DPYSL5: variants seen among roughly 807,000 people sequenced by gnomAD.
DPYSL5 encodes the protein dihydropyrimidinase-related protein 5.
A neutral mutation model predicts 58.4 loss-of-function variants in DPYSL5; 9 were observed. The ratio of observed to expected loss-of-function variants is 0.15; its 90% CI spans 0.09 to 0.27. DPYSL5 has a LOEUF of 0.27. Among genes scored for constraint, DPYSL5 ranks in the 10% least tolerant of loss-of-function variants. DPYSL5 has a pLI of 1.00. For synonymous variants in DPYSL5, 293 were observed against 301.9 expected, an observed-to-expected ratio of 0.97 and a Z score of 0.31; for missense variants, 499 against 770.6, an observed-to-expected ratio of 0.65 and a Z score of 4.17.
In DPYSL5 at chr2:26,912,714, A is replaced by G. The variant is rs180852669; in HGVS notation, c.262-12173A>G. The stretch of plus-strand genomic sequence containing the variant: ...GCTTTGTATTAAACACAATGAATTT[A>G]AATTGGATGCTCGGCAGTGAAGATA... On this transcript the variant is annotated intron_variant, in intron 2 of 12. Coordinates refer to ENST00000288699, the MANE Select transcript of DPYSL5 (RefSeq NM_020134.4). Among the ~76,000 whole-genome samples, 286 of 152,362 alleles carry G rather than the reference A, an allele frequency of 1.9e-3. 1 individual carries two copies. Among genetic ancestry groups the G allele is most frequent in the Middle Eastern group, 3.4e-3 (1 of 294 alleles).
chr2:26,916,456 A>G (rs1297658972), intron 2 of DPYSL5, among the ~76,000 whole-genome samples: 1 of 151,950 alleles, frequency 6.6e-6, no homozygotes, highest in African/African-American at 2.4e-5. Flanking sequence ...GTGCTCCTAA[A>G]CTTCACACTC....
chr2:26,946,516 G>A (rs1000543129), intron 12 of DPYSL5, among the ~76,000 whole-genome samples: 2 of 151,564 alleles, frequency 1.3e-5, no homozygotes, highest in African/African-American at 2.4e-5. Context: ...TTCATTTTCC[G>A]AAACAATGGC....
rs72851814 is a variant in DPYSL5 at position 26,887,055 on chromosome 2, C to T, written c.-4-11441C>T. Among the ~76,000 whole-genome samples the T allele has an allele frequency of 9.2e-3, 1,395 of 152,314 alleles. 30 individuals are homozygous for T. The highest frequency in any genetic ancestry group is 0.032 in the African/African-American group (1,314 of 41,572). On this transcript the variant is annotated intron_variant, in intron 1 of 12. Transcript: ENST00000288699. ...ACCTCACCTGCCCCTTGAGGTGCTACCCAGGTTGCCATTAGGCTTGGCTTA... is the reference window on the plus strand; with the variant it reads ...ACCTCACCTGCCCCTTGAGGTGCTATCCAGGTTGCCATTAGGCTTGGCTTA...
At position 26,859,689 on chromosome 2, in the gene DPYSL5, C is replaced by T. The variant is rs570525770; in HGVS notation, c.-5+11435C>T. On this transcript the variant is annotated intron_variant, in intron 1 of 12. Transcript: ENST00000288699. ...AGTGGCAGATAGCACCTGATGTTGG[C>T]CATTATGACAGAAATTAAATGGTCT... Among the ~76,000 whole-genome samples the T allele has an allele frequency of 6.6e-5, 10 of 152,086 alleles. No individual in the cohort carries two copies. The South Asian group carries it at 1.9e-3, about 28-fold the overall frequency.
At chr2:26,869,999 A>C (rs1419758816) in intron 1 of DPYSL5, among the ~76,000 whole-genome samples, 4 of 152,234 alleles carry the variant, frequency 2.6e-5, no homozygotes, top group African/African-American at 9.6e-5. Flanking sequence ...TGACAGAGCA[A>C]GACTTCGTCT....
In DPYSL5 at chr2:26,934,524, G is replaced by T; in HGVS notation, c.791-54G>T. 3 of 1,578,966 alleles carry T rather than the reference G, an allele frequency of 1.9e-6. No individual in the cohort carries two copies. Among genetic ancestry groups the T allele is most frequent in the Non-Finnish European group, 2.6e-6 (3 of 1,161,714 alleles). ...TGTAAAATGAGAGGCACACACCAGC[G>T]ATCGCTCAGGTTCGGTGGCTTCCTG... On this transcript the variant is annotated intron_variant, in intron 7 of 12. Coordinates refer to ENST00000288699, the MANE Select transcript of DPYSL5 (RefSeq NM_020134.4). This position sits in a 1 kb window ranked among gnomAD's most constrained non-coding sequence, Gnocchi z 4.3.
At chr2:26,932,199 GAA>G (rs763962759) in intron 6 of DPYSL5, among the ~76,000 whole-genome samples, 2 of 75,324 alleles carry the variant, frequency 2.7e-5, no homozygotes, top group Non-Finnish European at 5.9e-5. Context: ...AAGAAAGAAA[GAA>G]AGAAAGAAAA....
chr2:26,855,303 C>T (rs1218768733), intron 1 of DPYSL5, among the ~76,000 whole-genome samples: 1 of 151,890 alleles, frequency 6.6e-6, no homozygotes. Flanking sequence ...GTGGCAGGTG[C>T]CTGTAGTCCC....
At chr2:26,916,195 A>T (rs116825543) in intron 2 of DPYSL5, among the ~76,000 whole-genome samples, 207 of 152,236 alleles carry the variant, frequency 1.4e-3, no homozygotes, top group African/African-American at 4.7e-3. Context: ...AAGAAACATG[A>T]ATCACATATG....
intron 1 of DPYSL5, among the ~76,000 whole-genome samples, chr2:26,855,109 C>T (rs1665846609): frequency 6.6e-6 from 1 of 151,794 alleles, no homozygotes. Context: ...TGAGCCACTG[C>T]GCCTGGCCTC....
chr2:26,934,637 T>C lies in DPYSL5; in HGVS notation c.850T>C (p.Tyr284His). ...AHATLTGLHYYHQDWSHAAAY... is the reference protein window; with the variant it reads ...AHATLTGLHYHHQDWSHAAAY... ...TGCCACGCTGACAGGCTTACACTAC[T>C]ACCACCAGGACTGGTCCCACGCGGC... The change falls in exon 8 of 13, where the codon TAC becomes CAC. Residue 284 changes from tyrosine to histidine, a missense_variant. By Grantham distance (83) the Tyr-to-His change is moderately conservative. Around this residue, in one of 3 missense-constraint regions of DPYSL5, gnomAD observed 404 missense variants for 647.6 expected, o/e 0.62. Transcript: ENST00000288699. This position sits in a 1 kb window ranked among gnomAD's most constrained non-coding sequence, Gnocchi z 4.3. 1 of 1,613,984 alleles carries C rather than the reference T, an allele frequency of 6.2e-7. No individual in the cohort carries two copies. The highest frequency in any genetic ancestry group is 8.5e-7 in the Non-Finnish European group (1 of 1,180,026).
At chr2:26,880,212 C>T (rs932145022) in intron 1 of DPYSL5, among the ~76,000 whole-genome samples, 2 of 152,186 alleles carry the variant, frequency 1.3e-5, no homozygotes, top group Non-Finnish European at 2.9e-5. Context: ...CTGCTAGTGT[C>T]ATTCCCACTC....
Position 26,943,543 on chromosome 2 carries a change from G to A in DPYSL5, c.1440+793G>A, listed in dbSNP as rs560005922. Among the ~76,000 whole-genome samples, 5 of 152,324 alleles carry A rather than the reference G, an allele frequency of 3.3e-5. No individual in the cohort carries two copies. In the East Asian group the frequency reaches 5.8e-4, roughly 18 times the overall value. On this transcript the variant is annotated intron_variant, in intron 11 of 12. Transcript: ENST00000288699. ...CTCCTAAAGTGCTGGGATTACAGGC[G>A]TGAGCCACTGTGCGCGGCCCAATAA...
chr2:26,910,505 A>G (rs928011565), intron 2 of DPYSL5, among the ~76,000 whole-genome samples: 10 of 151,572 alleles, frequency 6.6e-5, no homozygotes, highest in Admixed American at 1.3e-4. Flanking sequence ...TATGCCTTCT[A>G]TATGTTTTCA....
At chr2:26,930,413 G>A (rs1474896132) in intron 5 of DPYSL5, among the ~76,000 whole-genome samples, 3 of 152,206 alleles carry the variant, frequency 2.0e-5, no homozygotes, top group Non-Finnish European at 4.4e-5. Flanking sequence ...ACAATATCTA[G>A]AGATATTTTT....
intron 8 of DPYSL5, chr2:26,938,616 C>G (rs1665240952): frequency 2.6e-5 from 4 of 152,226 alleles, no homozygotes; most frequent in African/African-American, 9.6e-5. Context: ...CTGCCAGGTC[C>G]CCCGTGGAGA....
At chr2:26,931,402 T>C (rs1212782428) in intron 5 of DPYSL5, among the ~76,000 whole-genome samples, 2 of 151,568 alleles carry the variant, frequency 1.3e-5, no homozygotes, top group Non-Finnish European at 2.9e-5. Context: ...TTTACTTTTG[T>C]TTCCTTGCCT....
At position 26,910,145 on chromosome 2, in the gene DPYSL5, T is replaced by G. The variant is rs142616041; in HGVS notation, c.261+11385T>G. The stretch of plus-strand genomic sequence containing the variant: ...CCTTTTTTTGTCTGGTTTCTTTCGC[T>G]CAGTAGTATTAAGTTTTTGGCTGTT... On this transcript the variant is annotated intron_variant, in intron 2 of 12. Coordinates refer to ENST00000288699, the MANE Select transcript of DPYSL5 (RefSeq NM_020134.4). Among the ~76,000 whole-genome samples, 6 of 152,360 alleles carry G rather than the reference T, an allele frequency of 3.9e-5. No individual in the cohort carries two copies. The East Asian group carries it at 1.2e-3, about 29-fold the overall frequency.
chr2:26,911,266 A>G (rs1664432997), intron 2 of DPYSL5, among the ~76,000 whole-genome samples: 1 of 152,156 alleles, frequency 6.6e-6, no homozygotes, highest in African/African-American at 2.4e-5. Context: ...GTAACTTTAC[A>G]GTAAGTCTTG....
Sources: allele counts gnomAD v4.1 joint callset (sites outside exome capture counted in the v4.1 genomes callset), GRCh38; gene constraint gnomAD v4.1.1; regional missense constraint gnomAD v4.1.1; non-coding constraint Gnocchi (gnomAD v3.1); transcripts MANE v1.5; gene names NCBI Gene and HGNC (gene_info 2026-07-23, HGNC 2026-07-21).